AKAP12: variants seen among roughly 807,000 people sequenced by gnomAD.
AKAP12 encodes the protein A-kinase anchoring protein 12, also known as A-kinase anchor protein 12.
AKAP12 carries 32 observed loss-of-function variants against 79.9 expected under a neutral mutation model. That is an observed-to-expected ratio of 0.40 (90% confidence interval 0.30 to 0.54). AKAP12 has a LOEUF of 0.54. Among genes scored for constraint, AKAP12 ranks in the 20% least tolerant of loss-of-function variants. The pLI is 0.48. For synonymous variants in AKAP12, 808 were observed against 857.0 expected, an observed-to-expected ratio of 0.94 and a Z score of 1.00; for missense variants, 2,074 against 2,177.0, an observed-to-expected ratio of 0.95 and a Z score of 0.94.
intron 2 of AKAP12, among the ~76,000 whole-genome samples, chr6:151,297,442 G>A (rs1330626648): frequency 1.3e-5 from 2 of 151,620 alleles, no homozygotes; most frequent in Non-Finnish European, 2.9e-5. Context: ...GTGTGGTGGT[G>A]CGCACCTGTA....
chr6:151,315,945 A>G (rs1243348156), intron 3 of AKAP12, among the ~76,000 whole-genome samples: 3 of 152,208 alleles, frequency 2.0e-5, no homozygotes, highest in African/African-American at 7.2e-5. Context: ...TATCATGAGA[A>G]CAGCATGAGG....
intron 2 of AKAP12, among the ~76,000 whole-genome samples, chr6:151,270,331 T>G (rs1776156141): frequency 4.6e-5 from 7 of 152,270 alleles, no homozygotes. Flanking sequence ...GTGCTGGGAT[T>G]ACAGGCGTGA....
intron 2 of AKAP12, among the ~76,000 whole-genome samples, chr6:151,249,379 T>C (rs1260111079): frequency 6.6e-6 from 1 of 152,230 alleles, no homozygotes; most frequent in Non-Finnish European, 1.5e-5. Context: ...AAGGTCTCAC[T>C]GTGTTGCCAA....
In AKAP12 at chr6:151,352,740, A is replaced by T. The variant is rs1383524404; in HGVS notation, c.4349A>T (p.His1450Leu). The part of the protein sequence containing the change: ...TGETLEPAGA[H>L]LVLEEKSSEK... Reference sequence around the variant, plus strand: ...GAAACGTTGGAGCCTGCAGGTGCACATTTAGTTCTGGAAGAGAAATCCTCT... The same window carrying T: ...GAAACGTTGGAGCCTGCAGGTGCACTTTTAGTTCTGGAAGAGAAATCCTCT... The change falls in exon 4 of 5, where the codon CAT becomes CTT. Residue 1450 changes from histidine (H) to leucine (L), a missense_variant. His to Leu is a moderately conservative substitution (Grantham distance 99). Transcript: ENST00000402676. 1.2e-6 allele frequency: 2 copies of T among 1,614,198 alleles called. No individual in the cohort carries two copies. The highest frequency in any genetic ancestry group is 1.7e-5 in the Admixed American group (1 of 60,030).
At chr6:151,254,446 G>A (rs908594618) in intron 2 of AKAP12, among the ~76,000 whole-genome samples, 2 of 151,958 alleles carry the variant, frequency 1.3e-5, no homozygotes, top group African/African-American at 4.8e-5. Flanking sequence ...CCGCCTCCCA[G>A]GTTCAAGAGA....
At position 151,272,590 on chromosome 6, in the gene AKAP12, G is replaced by A. The variant is rs1776211180; in HGVS notation, c.162+31866G>A. Among the ~76,000 whole-genome samples, 4 of 151,956 alleles carry A rather than the reference G, an allele frequency of 2.6e-5. No homozygotes were observed. The South Asian group carries it at 6.2e-4, about 24-fold the overall frequency. On this transcript the variant is annotated intron_variant, in intron 2 of 4. Coordinates refer to ENST00000402676, the MANE Select transcript of AKAP12 (RefSeq NM_005100.4). ...GCTGGAGTGCAGTTGTATGATCTCG[G>A]CTCACTGCAACCTCGGCTCACTGCA...
intron 3 of AKAP12, among the ~76,000 whole-genome samples, chr6:151,345,932 T>TGTGTGTGAGA (rs1349850485): frequency 9.9e-6 from 1 of 101,444 alleles, no homozygotes; most frequent in African/African-American, 4.3e-5. Context: ...TGTGTGTGTG[T>TGTGTGTGAGA]GAGAGAGAGA....
intron 2 of AKAP12, among the ~76,000 whole-genome samples, chr6:151,271,636 A>T (rs1776185588): frequency 6.9e-6 from 1 of 145,492 alleles, no homozygotes; most frequent in Admixed American, 6.9e-5. Context: ...CACAACTGAA[A>T]AACTTTAACA....
intron 3 of AKAP12, among the ~76,000 whole-genome samples, chr6:151,342,686 T>A (rs1777983342): frequency 1.3e-5 from 2 of 152,226 alleles, no homozygotes; most frequent in African/African-American, 4.8e-5. Context: ...CATTTTATTA[T>A]GTGTTCAACT....
At chr6:151,309,840 A>G (rs1308010009) in intron 3 of AKAP12, among the ~76,000 whole-genome samples, 1 of 152,184 alleles carries the variant, frequency 6.6e-6, no homozygotes, top group Non-Finnish European at 1.5e-5. Context: ...TTATACAAAC[A>G]GCTTATATAG....
intron 3 of AKAP12, among the ~76,000 whole-genome samples, chr6:151,345,807 A>G (rs1245396424): frequency 1.3e-5 from 2 of 148,984 alleles, no homozygotes; most frequent in Non-Finnish European, 3.0e-5. Flanking sequence ...AAAAAAAAAG[A>G]AAAGAAAAAA....
chr6:151,297,954 TATTTAGAAA>T (rs1776772677), intron 2 of AKAP12, among the ~76,000 whole-genome samples: 1 of 152,176 alleles, frequency 6.6e-6, no homozygotes, highest in Non-Finnish European at 1.5e-5. Context: ...AGTGCTTTTC[TATTTAGAAA>T]GAGAATTTCC....
rs71014573 is a variant in AKAP12 at position 151,332,033 on chromosome 6, G to GTTTTTTTTTT, written c.320-16666_320-16657dup. Among the ~76,000 whole-genome samples, 54 of 79,674 alleles carry GTTTTTTTTTT rather than the reference G, an allele frequency of 6.8e-4. 1 individual carries two copies. Among genetic ancestry groups the GTTTTTTTTTT allele is most frequent in the African/African-American group, 2.8e-3 (52 of 18,428 alleles). The allele number at this position is 79,674 out of a possible 152,430, so 52.3% of individuals were successfully genotyped here. A position where few individuals can be genotyped will look rare whatever the true frequency, so the allele number is the denominator to read the frequency against. On this transcript the variant is annotated intron_variant, in intron 3 of 4. Transcript: ENST00000402676. ...GAGTAGCACGTCCAGTTCTGGGTCT[G>GTTTTTTTTTT]TTTTTTTTTTTTTTTTTTTTTGAGA... is the stretch of plus-strand genomic sequence containing the variant.
chr6:151,261,509 C>A (rs566539488), intron 2 of AKAP12, among the ~76,000 whole-genome samples: 1 of 151,860 alleles, frequency 6.6e-6, no homozygotes, highest in East Asian at 2.0e-4. Context: ...AAAAATACAA[C>A]CCGTCTCTAA....
chr6:151,354,145 C>T (rs1443188261), intron 4 of AKAP12, among the ~76,000 whole-genome samples: 3 of 149,474 alleles, frequency 2.0e-5, no homozygotes, highest in African/African-American at 4.9e-5. Context: ...CTCACGACTC[C>T]GTCTCAAAAA....
chr6:151,240,624 C>A lies in AKAP12; in HGVS notation c.62C>A (p.Thr21Lys). The stretch of plus-strand genomic sequence containing the variant: ...GAGCAGCCGCCCGAGGGGAGCTCCA[C>A]GCCGGCTGAGCCCGAGCCCAGCGGC... ...SPEQPPEGSS[T>K]PAEPEPSGGG... The change falls in exon 2 of 5, where the codon ACG becomes AAG. Residue 21 changes from threonine (T) to lysine (K), a missense_variant. Thr to Lys is a moderately conservative substitution (Grantham distance 78, BLOSUM62 -1). This residue lies in a region of AKAP12 where 1,428 missense variants were observed against 1,451.0 expected (regional missense o/e 0.98). Transcript: ENST00000402676. 5 of 1,389,192 alleles carry A rather than the reference C, an allele frequency of 3.6e-6. No homozygotes were observed. Among genetic ancestry groups the A allele is most frequent in the Non-Finnish European group, 4.7e-6 (5 of 1,074,782 alleles). 86.1% of individuals were successfully genotyped at this position (1,389,192 alleles called of 1,614,324 possible).
Position 151,349,914 on chromosome 6 carries a change from G to C in AKAP12, c.1523G>C (p.Arg508Thr). Residue 508 changes from arginine (R) to threonine (T), a missense_variant, in exon 4 of 5, where the codon AGA becomes ACA. Around this residue, in one of 3 missense-constraint regions of AKAP12, gnomAD observed 1,428 missense variants for 1,451.0 expected, o/e 0.98. Transcript: ENST00000402676. The part of the protein sequence containing the change: ...SEVEMLSSQE[R>T]MKVQGSPLKK... ...GTGGAAATGCTGTCATCACAGGAGA[G>C]AATGAAGGTGCAGGGAAGTCCACTA... 1 of 1,614,154 alleles carries C rather than the reference G, an allele frequency of 6.2e-7. No individual in the cohort carries two copies. Among genetic ancestry groups the C allele is most frequent in the Non-Finnish European group, 8.5e-7 (1 of 1,180,028 alleles).
chr6:151,336,638 G>A (rs756024056), intron 3 of AKAP12, among the ~76,000 whole-genome samples: 13 of 152,100 alleles, frequency 8.5e-5, no homozygotes, highest in Admixed American at 6.6e-5. Flanking sequence ...CTAGCTACTC[G>A]GGAGGCTGAG....
intron 2 of AKAP12, among the ~76,000 whole-genome samples, chr6:151,245,420 C>G (rs1009885820): frequency 6.6e-6 from 1 of 151,756 alleles, no homozygotes; most frequent in African/African-American, 2.4e-5. Context: ...CTCAGCTTTC[C>G]GAGTCGCTGG....
Sources: gnomAD v4.1 joint callset for allele counts (sites outside exome capture counted in the v4.1 genomes callset) on GRCh38, gnomAD v4.1.1 for gene constraint, gnomAD v4.1.1 regional missense constraint, MANE v1.5 for transcripts, NCBI Gene and HGNC (gene_info 2026-07-23, HGNC 2026-07-21) for gene names.